Variants in CDKAL1 observed in about 807,000 individuals in gnomAD.
CDKAL1 encodes CDKAL1 threonylcarbamoyladenosine tRNA methylthiotransferase, also known as threonylcarbamoyladenosine tRNA methylthiotransferase.
CDKAL1 carries 32 observed loss-of-function variants against 68.2 expected under a neutral mutation model. That is an observed-to-expected ratio of 0.47 (90% confidence interval 0.35 to 0.63). The LOEUF is 0.63. Ranked by LOEUF, CDKAL1 falls within the 30% of genes least tolerant of loss-of-function variation. The pLI, the probability that CDKAL1 is intolerant of heterozygous loss-of-function variation, is 0.00. For synonymous variants in CDKAL1, 234 were observed against 244.3 expected (o/e 0.96, Z 0.39); for missense variants, 606 against 696.7 (o/e 0.87, Z 1.47).
At chr6:20,741,834 C>T (rs1248688187) in intron 6 of CDKAL1, among the ~76,000 whole-genome samples, 2 of 152,072 alleles carry the variant, frequency 1.3e-5, no homozygotes, top group East Asian at 3.9e-4. Context: ...CCAGTAATTA[C>T]ATTGCTGGGT....
Position 20,726,305 on chromosome 6 carries a change from A to C in CDKAL1, c.372-13214A>C, listed in dbSNP as rs945129834. On this transcript the variant is annotated intron_variant, in intron 5 of 15. Transcript: ENST00000274695. ...CTATGACCTGTGTGACCCTCCCCCC[A>C]CCTGTTCTCCATATATCCTACTTTT... Among the ~76,000 whole-genome samples the C allele has an allele frequency of 3.6e-4, 55 of 152,010 alleles. 1 individual carries two copies. Among genetic ancestry groups the C allele is most frequent in the African/African-American group, 1.1e-3 (44 of 41,382 alleles).
rs1011543193 is a variant in CDKAL1 at position 20,581,472 on chromosome 6, T to C, written c.286+32767T>C. ...AATGTTTGGGGCAAACTAAATATAA[T>C]TTTTTGGTTAGACTTTAGGTAAATA... On this transcript the variant is annotated intron_variant, in intron 4 of 15. Coordinates refer to ENST00000274695, the MANE Select transcript of CDKAL1 (RefSeq NM_017774.3). 2.0e-5 allele frequency among the ~76,000 whole-genome samples: 3 copies of C among 152,218 alleles called. No homozygotes were observed. The East Asian group carries it at 5.8e-4, about 29-fold the overall frequency.
intron 4 of CDKAL1, among the ~76,000 whole-genome samples, chr6:20,647,085 T>C (rs1768506956): frequency 6.6e-6 from 1 of 152,222 alleles, no homozygotes; most frequent in South Asian, 2.1e-4. Flanking sequence ...ATTGCTAGTT[T>C]TTTTTTATCA....
chr6:20,868,160 T>C (rs1386811321), intron 9 of CDKAL1, among the ~76,000 whole-genome samples: 1 of 152,176 alleles, frequency 6.6e-6, no homozygotes, highest in Non-Finnish European at 1.5e-5. Flanking sequence ...AAGGGAAATA[T>C]CAACACTGTT....
chr6:20,789,288 T>G (rs1775802859), intron 8 of CDKAL1, among the ~76,000 whole-genome samples: 2 of 152,218 alleles, frequency 1.3e-5, no homozygotes, highest in African/African-American at 4.8e-5. Flanking sequence ...TAAAGTAATA[T>G]TTATTTCTAG....
chr6:21,003,638 G>A (rs796767237), intron 11 of CDKAL1, among the ~76,000 whole-genome samples: 6 of 151,878 alleles, frequency 4.0e-5, no homozygotes, highest in African/African-American at 7.2e-5. Flanking sequence ...CCTACCTTCC[G>A]CTATAAAAAC....
At chr6:21,093,971 A>G (rs929585885) in intron 12 of CDKAL1, among the ~76,000 whole-genome samples, 1 of 147,062 alleles carries the variant, frequency 6.8e-6, no homozygotes, top group African/African-American at 2.5e-5. Context: ...GCCTCAAGCT[A>G]TCCTCCCACC....
intron 4 of CDKAL1, among the ~76,000 whole-genome samples, chr6:20,571,305 T>C (rs1764690918): frequency 6.6e-6 from 1 of 152,126 alleles, no homozygotes; most frequent in Admixed American, 6.6e-5. Context: ...CCTGGTTCTT[T>C]GTAAATTCAT....
chr6:21,069,952 G>A (rs958220516), intron 12 of CDKAL1, among the ~76,000 whole-genome samples: 6 of 151,546 alleles, frequency 4.0e-5, no homozygotes, highest in Non-Finnish European at 8.8e-5. Context: ...ACCACGCCCG[G>A]CTAATTTTTT....
intron 8 of CDKAL1, among the ~76,000 whole-genome samples, chr6:20,807,333 C>T (rs1776614119): frequency 6.6e-6 from 1 of 152,110 alleles, no homozygotes; most frequent in African/African-American, 2.4e-5. Context: ...AAGCGATTCA[C>T]CTGCCTCAGC....
At chr6:21,045,103 C>T (rs1770147915) in intron 11 of CDKAL1, among the ~76,000 whole-genome samples, 1 of 152,182 alleles carries the variant, frequency 6.6e-6, no homozygotes, top group African/African-American at 2.4e-5. Context: ...GATTCAGTTT[C>T]AACATAGATT....
intron 9 of CDKAL1, among the ~76,000 whole-genome samples, chr6:20,852,130 G>A (rs889904548): frequency 1.3e-5 from 2 of 152,060 alleles, no homozygotes; most frequent in African/African-American, 4.8e-5. Context: ...AAGGATTTTA[G>A]GCAGCTTACA....
intron 13 of CDKAL1, among the ~76,000 whole-genome samples, chr6:21,171,512 GTTAC>G (rs1337331020): frequency 6.6e-6 from 1 of 152,068 alleles, no homozygotes. Flanking sequence ...TGCCCAGCCA[GTTAC>G]TTCTAAAAAT....
chr6:21,105,536 C>T (rs1773801754), intron 12 of CDKAL1, among the ~76,000 whole-genome samples: 1 of 152,162 alleles, frequency 6.6e-6, no homozygotes, highest in Non-Finnish European at 1.5e-5. Context: ...ATTTTATTTA[C>T]AAGGTCCTTA....
At chr6:20,912,598 G>A (rs1203906938) in intron 9 of CDKAL1, among the ~76,000 whole-genome samples, 1 of 152,138 alleles carries the variant, frequency 6.6e-6, no homozygotes, top group Non-Finnish European at 1.5e-5. Flanking sequence ...AGAGTTGGAT[G>A]CCCAAGTGTT....
chr6:20,736,417 T>TTTTCAAGTA (rs1471014122), intron 5 of CDKAL1, among the ~76,000 whole-genome samples: 1 of 152,216 alleles, frequency 6.6e-6, no homozygotes, highest in Non-Finnish European at 1.5e-5. Flanking sequence ...CCTTTGGTAT[T>TTTTCAAGTA]TTTCAAGTAT....
chr6:21,098,481 G>A (rs1773422726), intron 12 of CDKAL1, among the ~76,000 whole-genome samples: 1 of 146,290 alleles, frequency 6.8e-6, no homozygotes, highest in African/African-American at 2.5e-5. Flanking sequence ...TGAAGAACTA[G>A]AAGTTTCAAT....
intron 9 of CDKAL1, among the ~76,000 whole-genome samples, chr6:20,929,587 T>G (rs1163712620): frequency 6.6e-6 from 1 of 152,238 alleles, no homozygotes. Flanking sequence ...ACATCTGACC[T>G]TTTTTAACGT....
At chr6:21,167,373 A>G (rs1777194269) in intron 13 of CDKAL1, among the ~76,000 whole-genome samples, 1 of 152,224 alleles carries the variant, frequency 6.6e-6, no homozygotes, top group Non-Finnish European at 1.5e-5. Flanking sequence ...ACTGATTCAT[A>G]TGAACTATGG....
Sources: gnomAD v4.1 joint callset for allele counts (sites outside exome capture counted in the v4.1 genomes callset) on GRCh38, gnomAD v4.1.1 for gene constraint, MANE v1.5 for transcripts, NCBI Gene and HGNC (gene_info 2026-07-23, HGNC 2026-07-21) for gene names.